PCSK2: variants seen among roughly 807,000 people sequenced by gnomAD.
The protein encoded by PCSK2 is proprotein convertase subtilisin/kexin type 2.
A neutral mutation model predicts 69.7 loss-of-function variants in PCSK2; 14 were observed. That is an observed-to-expected ratio of 0.20 (90% CI 0.13 to 0.31). The LOEUF is 0.31. Ranked by LOEUF, PCSK2 falls within the 10% of genes least tolerant of loss-of-function variation. The pLI is 1.00. For missense variants in PCSK2, 544 were observed against 842.5 expected (o/e 0.65, Z 4.39); for synonymous variants, 307 against 320.7 (o/e 0.96, Z 0.46).
At chr20:17,425,837 C>T (rs1240904376) in intron 6 of PCSK2, among the ~76,000 whole-genome samples, 2 of 152,018 alleles carry the variant, frequency 1.3e-5, no homozygotes, top group South Asian at 2.1e-4. Flanking sequence ...TGAATAATTG[C>T]CCAAGGGTAA....
chr20:17,384,371 T>C (rs2031173208), intron 5 of PCSK2, among the ~76,000 whole-genome samples: 2 of 146,048 alleles, frequency 1.4e-5, no homozygotes, highest in South Asian at 4.3e-4. Flanking sequence ...GTGGATCACC[T>C]GAGGTCAGGA....
intron 2 of PCSK2, among the ~76,000 whole-genome samples, chr20:17,351,513 G>T (rs761252095): frequency 6.6e-6 from 1 of 152,044 alleles, no homozygotes; most frequent in Non-Finnish European, 1.5e-5. Context: ...AATTAAAAAG[G>T]CTTTATTCCT....
At chr20:17,352,161 A>G (rs1265753446) in intron 2 of PCSK2, among the ~76,000 whole-genome samples, 1 of 152,222 alleles carries the variant, frequency 6.6e-6, no homozygotes, top group Non-Finnish European at 1.5e-5. Flanking sequence ...AAAGATCTCT[A>G]CAAGGAGAAC....
intron 2 of PCSK2, among the ~76,000 whole-genome samples, chr20:17,294,287 T>C (rs997119503): frequency 6.6e-6 from 1 of 151,360 alleles, no homozygotes; most frequent in Non-Finnish European, 1.5e-5. Flanking sequence ...TTTGTATTTT[T>C]AGTAGAGACG....
chr20:17,394,060 G>A (rs2031452008), intron 5 of PCSK2, among the ~76,000 whole-genome samples: 1 of 152,198 alleles, frequency 6.6e-6, no homozygotes, highest in Non-Finnish European at 1.5e-5. Flanking sequence ...CAACTTGGGA[G>A]GTGGAGACAG....
intron 7 of PCSK2, among the ~76,000 whole-genome samples, chr20:17,432,831 G>T (rs113369663): frequency 6.6e-6 from 1 of 152,188 alleles, no homozygotes; most frequent in South Asian, 2.1e-4. Flanking sequence ...GCACCTTCCT[G>T]TTGCAGGGGA....
At chr20:17,331,493 T>C (rs189791816) in intron 2 of PCSK2, among the ~76,000 whole-genome samples, 12 of 152,210 alleles carry the variant, frequency 7.9e-5, no homozygotes, top group Non-Finnish European at 1.3e-4. Flanking sequence ...TTCATGAAAA[T>C]TGAAAGTATA....
At chr20:17,429,594 C>A in intron 7 of PCSK2, 71 bp downstream of exon 7, 1 of 991,648 alleles carries the variant, frequency 1.0e-6, no homozygotes, top group Non-Finnish European at 1.5e-6. Flanking sequence ...TGTGGCCCAG[C>A]AAAAAATCCC....
Position 17,331,304 on chromosome 20 carries a change from C to A in PCSK2, c.283-27023C>A, listed in dbSNP as rs547377833. Among the ~76,000 whole-genome samples the A allele has an allele frequency of 3.9e-5, 6 of 152,254 alleles. No individual in the cohort carries two copies. The East Asian group carries it at 1.2e-3, about 29-fold the overall frequency. ...ACATTATTAGATTCTCAAATAACCC[C>A]GTACAGTTTACACTTTCATGAGTGT... On this transcript the variant is annotated intron_variant, in intron 2 of 11. Transcript: ENST00000262545.
chr20:17,255,416 A>G (rs1160703233), intron 1 of PCSK2, among the ~76,000 whole-genome samples: 1 of 151,056 alleles, frequency 6.6e-6, no homozygotes, highest in African/African-American at 2.4e-5. Context: ...ATCTCGGCTC[A>G]CTGCAAGCTC....
At chr20:17,412,529 T>A (rs1213157267) in intron 6 of PCSK2, among the ~76,000 whole-genome samples, 3 of 152,174 alleles carry the variant, frequency 2.0e-5, no homozygotes, top group African/African-American at 7.2e-5. Flanking sequence ...TATGGGACTA[T>A]GTGAAAAGAT....
chr20:17,360,550 G>C lies in PCSK2; in HGVS notation c.415G>C (p.Asp139His). 1 of 1,611,228 alleles carries C rather than the reference G, an allele frequency of 6.2e-7. No homozygotes were observed. Among genetic ancestry groups the C allele is most frequent in the Non-Finnish European group, 8.5e-7 (1 of 1,178,044 alleles). ...GTACCAGATCAATACTGGGCAAGCT[G>C]ATGGCACTCCTGGCCTTGATTTGAA... ...QWYLINTGQADGTPGLDLNVA... is the reference protein window; with the variant it reads ...QWYLINTGQAHGTPGLDLNVA... Residue 139 changes from aspartate (D) to histidine (H), a missense_variant, in exon 4 of 12, where the codon GAT (aspartate) becomes CAT (histidine). Transcript: ENST00000262545.
Position 17,245,633 on chromosome 20 carries a change from AT to A in PCSK2, c.178-14596del, listed in dbSNP as rs879731129. 5.7e-3 allele frequency among the ~76,000 whole-genome samples: 845 copies of A among 147,938 alleles called. 5 individuals carry two copies. Among genetic ancestry groups the A allele is most frequent in the Middle Eastern group, 0.021 (6 of 288 alleles). ...GCTAGCCTCATCTGTAATTGATAGG[AT>A]TTTTTTTTTTGCTAGAATATCTGAG... is the stretch of plus-strand genomic sequence containing the variant. On this transcript the variant is annotated intron_variant, in intron 1 of 11. Transcript: ENST00000262545.
intron 1 of PCSK2, among the ~76,000 whole-genome samples, chr20:17,227,962 G>A (rs1039429511): frequency 2.0e-5 from 3 of 152,168 alleles, no homozygotes; most frequent in East Asian, 3.9e-4. Flanking sequence ...ACCCCGCGCC[G>A]GGAGGACTTC....
intron 8 of PCSK2, among the ~76,000 whole-genome samples, chr20:17,450,016 C>CTTTTTTTTTT (rs1462731230): frequency 1.0e-5 from 1 of 96,716 alleles, no homozygotes; most frequent in Non-Finnish European, 2.3e-5. Flanking sequence ...GAATTTCTTC[C>CTTTTTTTTTT]CTTTTTTTTT....
intron 2 of PCSK2, among the ~76,000 whole-genome samples, chr20:17,333,542 C>T (rs1465064043): frequency 1.3e-5 from 2 of 151,958 alleles, no homozygotes; most frequent in African/African-American, 4.8e-5. Context: ...CTTCTTGAGG[C>T]CTCCCAACTT....
intron 7 of PCSK2, among the ~76,000 whole-genome samples, chr20:17,430,965 TC>T (rs1175921466): frequency 6.6e-6 from 1 of 152,210 alleles, no homozygotes; most frequent in Non-Finnish European, 1.5e-5. Context: ...TTTCCTTTTT[TC>T]CTCTTCTCTT....
intron 6 of PCSK2, among the ~76,000 whole-genome samples, chr20:17,428,997 CAAAAAAAAAAAAAAAAAAA>C (rs60206058): frequency 1.1e-4 from 4 of 36,950 alleles, no homozygotes; most frequent in African/African-American, 5.5e-4. Context: ...GACTCTGTCT[CAAAAAAAAAAAAAAAAAAA>C]AAAAAAAAAA....
chr20:17,347,894 A>AAGGAGAG lies in PCSK2; in HGVS notation c.283-10431_283-10430insGAGAGAG, dbSNP rs1568612318. 1.2e-4 allele frequency among the ~76,000 whole-genome samples: 3 copies of AAGGAGAG among 24,566 alleles called. 1 individual carries two copies. Among genetic ancestry groups the AAGGAGAG allele is most frequent in the African/African-American group, 3.3e-4 (3 of 9,144 alleles). 16.1% of individuals were successfully genotyped at this position (24,566 alleles called of 152,430 possible). ...GAAAAAAGAAAGAAAGAAAGAAAGA[A>AAGGAGAG]AGAAAGAAAGAAAGAAAGAAAGAAA... is the stretch of plus-strand genomic sequence containing the variant. On this transcript the variant is annotated intron_variant, in intron 2 of 11. Coordinates refer to ENST00000262545, the MANE Select transcript of PCSK2 (RefSeq NM_002594.5).
Sources: allele counts gnomAD v4.1 joint callset (sites outside exome capture counted in the v4.1 genomes callset), GRCh38; gene constraint gnomAD v4.1.1; transcripts MANE v1.5; gene names NCBI Gene and HGNC (gene_info 2026-07-23, HGNC 2026-07-21).